The following ZNF322 variants were observed in gnomAD, a reference collection of about 807,000 sequenced individuals.
ZNF322 encodes the protein HLA complex group 12.
Under a neutral mutation model 18.3 loss-of-function variants are expected in ZNF322, and 1 was observed. The ratio of observed to expected loss-of-function variants is 0.05; its 90% CI spans 0.02 to 0.26. ZNF322 has a LOEUF of 0.26. ZNF322 is among the 10% of genes least tolerant of loss of function. The pLI is 1.00. For missense variants in ZNF322, 36 were observed against 403.6 expected (o/e 0.09, Z 7.80); for synonymous variants, 17 against 130.7 (o/e 0.13, Z 5.93).
rs553734558 is a variant in ZNF322 at position 26,659,700 on chromosome 6, C to A, written c.-594G>T. 1.3e-5 allele frequency: 2 copies of A among 157,696 alleles called. No individual in the cohort carries two copies. Among genetic ancestry groups the A allele is most frequent in the African/African-American group, 2.4e-5 (1 of 41,474 alleles). 9.8% of individuals were successfully genotyped at this position (157,696 alleles called of 1,614,324 possible). ...GCGCTTCAAGGGCCCACAAGGCCGGCTACGCAAACCCTTTCAAGCTGGCTG... is the reference window on the plus strand; with the variant it reads ...GCGCTTCAAGGGCCCACAAGGCCGGATACGCAAACCCTTTCAAGCTGGCTG... On this transcript the variant is annotated 5_prime_UTR_variant, in exon 1 of 4. Transcript: ENST00000415922.
intron 2 of ZNF322, among the ~76,000 whole-genome samples, chr6:26,649,673 GTGTATATATATATATATATATATA>G (rs1765624560): frequency 6.8e-4 from 20 of 29,356 alleles, no homozygotes; most frequent in Non-Finnish European, 9.0e-4. Flanking sequence ...GTGTGTGTGT[GTGTATATATATATATATATATATA>G]TATATTTTTT....
At chr6:26,640,561 C>T (rs1765448689) in intron 3 of ZNF322, among the ~76,000 whole-genome samples, 1 of 152,176 alleles carries the variant, frequency 6.6e-6, no homozygotes, top group African/African-American at 2.4e-5. Context: ...TTTCCAACCA[C>T]CCTATTCTAA....
chr6:26,648,197 C>A (rs1309810135), intron 2 of ZNF322, among the ~76,000 whole-genome samples: 2 of 152,056 alleles, frequency 1.3e-5, no homozygotes, highest in African/African-American at 4.8e-5. Context: ...CCCATATGAA[C>A]AGACCTATGG....
chr6:26,645,440 G>T (rs192356126), intron 2 of ZNF322, among the ~76,000 whole-genome samples: 27 of 151,772 alleles, frequency 1.8e-4, no homozygotes, highest in Non-Finnish European at 2.9e-5. Context: ...CCCACTCTAA[G>T]TACAAAAAAC....
intron 2 of ZNF322, among the ~76,000 whole-genome samples, chr6:26,656,860 A>G (rs782313712): frequency 3.9e-5 from 6 of 152,172 alleles, no homozygotes; most frequent in African/African-American, 1.4e-4. Flanking sequence ...GAAGAAAAAA[A>G]AAACTGAATA....
intron 2 of ZNF322, among the ~76,000 whole-genome samples, chr6:26,645,881 A>C (rs1459296180): frequency 6.6e-6 from 1 of 151,872 alleles, no homozygotes; most frequent in Non-Finnish European, 1.5e-5. Flanking sequence ...AAAATACAAA[A>C]TTAGCCGGGT....
At chr6:26,657,399 T>C (rs1228580800) in intron 2 of ZNF322, among the ~76,000 whole-genome samples, 1 of 152,160 alleles carries the variant, frequency 6.6e-6, no homozygotes, top group African/African-American at 2.4e-5. Context: ...GCTTTTGCAC[T>C]TGTTCCTTCT....
In ZNF322 at chr6:26,649,635, A is replaced by ATG. The variant is rs1561924577; in HGVS notation, c.-245-5908_-245-5907insCA. 7.3e-5 allele frequency among the ~76,000 whole-genome samples: 5 copies of ATG among 68,484 alleles called. No individual in the cohort carries two copies. The East Asian group carries it at 2.0e-3, about 27-fold the overall frequency. 44.9% of individuals were successfully genotyped at this position (68,484 alleles called of 152,430 possible). A position where few individuals can be genotyped will look rare whatever the true frequency, so the allele number is the denominator to read the frequency against. On this transcript the variant is annotated intron_variant, in intron 2 of 3. Transcript: ENST00000415922. Reference sequence around the variant, plus strand: ...AAAGTTTTCTTTTATATATACATACATATGTGTGTGTGTGTGTGTGTGTGT... The same window carrying ATG: ...AAAGTTTTCTTTTATATATACATACATGTATGTGTGTGTGTGTGTGTGTGTGT...
intron 2 of ZNF322, among the ~76,000 whole-genome samples, chr6:26,645,232 A>G (rs991500541): frequency 5.9e-5 from 9 of 152,236 alleles, no homozygotes. Flanking sequence ...CTCTCAACAC[A>G]TCCTTTAAAA....
At chr6:26,642,653 TC>T (rs1765485983) in intron 3 of ZNF322, among the ~76,000 whole-genome samples, 3 of 152,306 alleles carry the variant, frequency 2.0e-5, no homozygotes, top group Middle Eastern at 3.4e-3. Context: ...ATAATCTCAA[TC>T]CTCAAAGCCT....
chr6:26,642,359 G>C (rs778408639), intron 3 of ZNF322, among the ~76,000 whole-genome samples: 5 of 152,092 alleles, frequency 3.3e-5, no homozygotes, highest in Non-Finnish European at 7.4e-5. Flanking sequence ...CTGAGCGCCG[G>C]TCCCCTGGGC....
In ZNF322 at chr6:26,636,411, T is replaced by C. The variant is rs1240988766; in HGVS notation, c.*934A>G. ...TACCTGAGTTACCCATCAGGTCTACTCTGACCCACCCTAGCTTCTCCCAGA... is the reference window on the plus strand; with the variant it reads ...TACCTGAGTTACCCATCAGGTCTACCCTGACCCACCCTAGCTTCTCCCAGA... On this transcript the variant is annotated 3_prime_UTR_variant, in exon 4 of 4. Transcript: ENST00000415922. 1 of 129,266 alleles carries C rather than the reference T, an allele frequency of 7.7e-6. No individual in the cohort carries two copies. The highest frequency in any genetic ancestry group is 3.0e-4 in the East Asian group (1 of 3,382). The allele number at this position is 129,266 out of a possible 1,614,324, so 8.0% of individuals were successfully genotyped here. A position where few individuals can be genotyped will look rare whatever the true frequency, so the allele number is the denominator to read the frequency against.
rs1404108663 is a variant in ZNF322, at chr6:26,659,641, T to G, written c.-535A>C. ...CTTCGTGCGCCTAGACTAGAGGAGT[T>G]GGGGCCAGGCCGCCCACAGAGCGCT... On this transcript the variant is annotated 5_prime_UTR_variant, in exon 1 of 4. Transcript: ENST00000415922. The G allele has an allele frequency of 2.4e-5, 4 of 166,202 alleles. No individual in the cohort carries two copies. The highest frequency in any genetic ancestry group is 9.6e-5 in the African/African-American group (4 of 41,454). The allele number at this position is 166,202 out of a possible 1,614,324, so 10.3% of individuals were successfully genotyped here.
In ZNF322 at chr6:26,646,155, G is replaced by A. The variant is rs182485580; in HGVS notation, c.-245-2427C>T. ...CATGAAAGAGCTATGAAAACCTATC[G>A]TAGAAAAAAAAGTAACAAAATACAG... is the stretch of plus-strand genomic sequence containing the variant. On this transcript the variant is annotated intron_variant, in intron 2 of 3. Transcript: ENST00000415922. Among the ~76,000 whole-genome samples, 457 of 151,434 alleles carry A rather than the reference G, an allele frequency of 3.0e-3. 2 individuals are homozygous for A. Among genetic ancestry groups the A allele is most frequent in the African/African-American group, 9.8e-3 (406 of 41,358 alleles).
intron 2 of ZNF322, among the ~76,000 whole-genome samples, chr6:26,648,426 C>G (rs1409180868): frequency 2.0e-5 from 3 of 152,168 alleles, no homozygotes; most frequent in Non-Finnish European, 2.9e-5. Context: ...CTTCTCTTTT[C>G]AATCACTGAC....
chr6:26,645,721 A>T (rs1430727224), intron 2 of ZNF322, among the ~76,000 whole-genome samples: 1 of 152,166 alleles, frequency 6.6e-6, no homozygotes, highest in Non-Finnish European at 1.5e-5. Context: ...TTTTTAATGA[A>T]CTAAAGGCAT....
At chr6:26,644,864 T>C (rs1178016106) in intron 2 of ZNF322, among the ~76,000 whole-genome samples, 2 of 152,226 alleles carry the variant, frequency 1.3e-5, no homozygotes, top group Non-Finnish European at 2.9e-5. Context: ...TTTTGTTACA[T>C]AGGTAAATGT....
rs1257396859 is a variant in ZNF322 at position 26,636,098 on chromosome 6, A to T, written c.*1247T>A. On this transcript the variant is annotated 3_prime_UTR_variant, in exon 4 of 4. Coordinates refer to ENST00000415922, the MANE Select transcript of ZNF322 (RefSeq NM_024639.5). ...CTTTATAAGATTGGTCCTGCAAAGG[A>T]AAAACTATTAGGAGAGTTTTGATCT... is the stretch of plus-strand genomic sequence containing the variant. 6.7e-6 allele frequency: 1 copy of T among 149,882 alleles called. No individual in the cohort carries two copies. The highest frequency in any genetic ancestry group is 1.5e-5 in the Non-Finnish European group (1 of 67,694). 9.3% of individuals were successfully genotyped at this position (149,882 alleles called of 1,614,324 possible).
At chr6:26,654,427 T>C (rs993468032) in intron 2 of ZNF322, among the ~76,000 whole-genome samples, 60 of 152,046 alleles carry the variant, frequency 3.9e-4, no homozygotes, top group Non-Finnish European at 7.4e-4. Flanking sequence ...TTTGGAGAAA[T>C]GGCTGTTTCC....
Sources: gnomAD v4.1 joint callset for allele counts (sites outside exome capture counted in the v4.1 genomes callset) on GRCh38, gnomAD v4.1.1 for gene constraint, MANE v1.5 for transcripts, NCBI Gene and HGNC (gene_info 2026-07-23, HGNC 2026-07-21) for gene names.